SLC37A3: variants seen among roughly 807,000 people sequenced by gnomAD.
The protein encoded by SLC37A3 is sugar phosphate exchanger 3.
Under a neutral mutation model 67.1 loss-of-function variants are expected in SLC37A3, and 51 were observed. That is an observed-to-expected ratio of 0.76 (90% CI 0.61 to 0.96). The LOEUF (loss-of-function observed/expected upper bound fraction) is 0.96. SLC37A3 is among the 40% of genes least tolerant of loss of function. The pLI, the probability that SLC37A3 is intolerant of heterozygous loss-of-function variation, is 0.00. For missense variants in SLC37A3, 508 were observed against 603.0 expected (o/e 0.84, Z 1.65); for synonymous variants, 214 against 231.4 (o/e 0.92, Z 0.68).
intron 1 of SLC37A3, among the ~76,000 whole-genome samples, chr7:140,390,952 T>C (rs1049530900): frequency 6.6e-6 from 1 of 152,040 alleles, no homozygotes; most frequent in Non-Finnish European, 1.5e-5. Context: ...TCCTCCTCCT[T>C]CCCTGCACCA....
At position 140,376,605 on chromosome 7, in the gene SLC37A3, G is replaced by A. The variant is rs1798040398; in HGVS notation, c.198+3677C>T. 2.6e-5 allele frequency among the ~76,000 whole-genome samples: 4 copies of A among 152,172 alleles called. No homozygotes were observed. The South Asian group carries it at 8.3e-4, about 32-fold the overall frequency. On this transcript the variant is annotated intron_variant, in intron 3 of 14. Coordinates refer to ENST00000326232, the MANE Select transcript of SLC37A3 (RefSeq NM_207113.3). ...GTGAGAATGTTTATAACAGAATAAG[G>A]GCTATCCAGGGGGGCAGGGGAGGCT...
chr7:140,340,619 T>TC (rs1796322880), intron 13 of SLC37A3, among the ~76,000 whole-genome samples: 1 of 151,006 alleles, frequency 6.6e-6, no homozygotes, highest in African/African-American at 2.5e-5. Flanking sequence ...TGCAACTTTG[T>TC]CTTTTTTTTT....
intron 13 of SLC37A3, among the ~76,000 whole-genome samples, chr7:140,339,592 G>A (rs1440307852): frequency 6.6e-6 from 1 of 151,152 alleles, no homozygotes; most frequent in Admixed American, 6.6e-5. Context: ...AAATACCTAG[G>A]AGTGCTGGGT....
chr7:140,351,199 C>A, intron 9 of SLC37A3, 74 bp downstream of exon 9: 1 of 1,439,956 alleles, frequency 6.9e-7, no homozygotes. Flanking sequence ...CTTAAGGAAG[C>A]TTTATCTCAG....
At chr7:140,392,019 T>C (rs1286416808) in intron 1 of SLC37A3, among the ~76,000 whole-genome samples, 3 of 152,314 alleles carry the variant, frequency 2.0e-5, no homozygotes, top group East Asian at 3.9e-4. Context: ...TTCTTCTCAC[T>C]GCCTACACCA....
intron 14 of SLC37A3, among the ~76,000 whole-genome samples, chr7:140,336,995 A>G (rs960741183): frequency 6.7e-6 from 1 of 149,084 alleles, no homozygotes; most frequent in African/African-American, 2.5e-5. Flanking sequence ...GCTACTCGGG[A>G]GGCTGAGGTG....
chr7:140,388,354 G>A (rs1204423019), intron 1 of SLC37A3, among the ~76,000 whole-genome samples: 1 of 148,960 alleles, frequency 6.7e-6, no homozygotes, highest in Non-Finnish European at 1.5e-5. Flanking sequence ...AATCACTTGA[G>A]CCTGGGAGGT....
intron 6 of SLC37A3, among the ~76,000 whole-genome samples, chr7:140,358,007 C>T (rs1369587212): frequency 2.6e-5 from 4 of 151,866 alleles, no homozygotes; most frequent in African/African-American, 7.3e-5. Context: ...ACCCCGGAGG[C>T]GAAGGTTGCA....
intron 8 of SLC37A3, 171 bp downstream of exon 8, chr7:140,351,890 AG>A (rs1408789520): frequency 5.5e-6 from 4 of 733,502 alleles, no homozygotes; most frequent in Non-Finnish European, 9.7e-6. Flanking sequence ...CAGCTGTGCC[AG>A]GGGCTGGCTA....
chr7:140,380,644 A>G (rs1257772932), intron 2 of SLC37A3, among the ~76,000 whole-genome samples: 1 of 152,058 alleles, frequency 6.6e-6, no homozygotes, highest in Non-Finnish European at 1.5e-5. Flanking sequence ...TCCTGGGCTC[A>G]AGCCAGCCTC....
intron 7 of SLC37A3, among the ~76,000 whole-genome samples, chr7:140,352,567 G>A (rs1431842396): frequency 7.2e-5 from 11 of 152,138 alleles, no homozygotes; most frequent in Non-Finnish European, 1.6e-4. Context: ...AGATGAGAAG[G>A]CCCAATCCTA....
chr7:140,384,703 G>A (rs1257102214), intron 1 of SLC37A3, among the ~76,000 whole-genome samples: 3 of 152,046 alleles, frequency 2.0e-5, no homozygotes, highest in Non-Finnish European at 4.4e-5. Flanking sequence ...TGTACCACAG[G>A]GTAAGACCTT....
In SLC37A3 at chr7:140,348,779, G is replaced by C; in HGVS notation, c.883-12C>G. 3 of 1,611,804 alleles carry C rather than the reference G, an allele frequency of 1.9e-6. No homozygotes were observed. The highest frequency in any genetic ancestry group is 2.5e-6 in the Non-Finnish European group (3 of 1,178,996). On this transcript the variant is annotated splice_polypyrimidine_tract_variant and intron_variant, in intron 9 of 14. Coordinates refer to ENST00000326232, the MANE Select transcript of SLC37A3 (RefSeq NM_207113.3). The stretch of plus-strand genomic sequence containing the variant: ...TAGGCCAGTGAGTACTACAAGAAAA[G>C]CATTCAACTATCAGCGAGGGACAAA...
At chr7:140,339,922 T>C (rs113190486) in intron 13 of SLC37A3, among the ~76,000 whole-genome samples, 3,410 of 152,040 alleles carry the variant, frequency 0.022, 115 homozygotes, top group African/African-American at 0.077. Context: ...GTATTTTTAG[T>C]AGAGACGGGG....
chr7:140,380,156 G>A, intron 3 of SLC37A3, 126 bp downstream of exon 3: 2 of 524,752 alleles, frequency 3.8e-6, no homozygotes, highest in Non-Finnish European at 6.8e-6. Context: ...TGGCTCTTAT[G>A]TGATAGGAAA....
At chr7:140,343,145 G>A (rs1796422993) in intron 13 of SLC37A3, among the ~76,000 whole-genome samples, 1 of 152,178 alleles carries the variant, frequency 6.6e-6, no homozygotes, top group African/African-American at 2.4e-5. Flanking sequence ...TGGGGCAGAA[G>A]GATCTGTCTG....
At position 140,361,700 on chromosome 7, in the gene SLC37A3, C is replaced by T. The variant is rs1389857678; in HGVS notation, c.375+2708G>A. On this transcript the variant is annotated intron_variant, in intron 5 of 14. Coordinates refer to ENST00000326232, the MANE Select transcript of SLC37A3 (RefSeq NM_207113.3). ...AGTGCCTGCGATTGCAGGCGCGCGCCGCCACGCCTGACTGGTTTTCGTTTT... is the reference window on the plus strand; with the variant it reads ...AGTGCCTGCGATTGCAGGCGCGCGCTGCCACGCCTGACTGGTTTTCGTTTT... Among the ~76,000 whole-genome samples the T allele has an allele frequency of 8.6e-5, 13 of 150,514 alleles. No homozygotes were observed. The South Asian group carries it at 1.5e-3, about 17-fold the overall frequency.
chr7:140,376,141 C>T (rs2129731796), intron 3 of SLC37A3, among the ~76,000 whole-genome samples: 1 of 152,270 alleles, frequency 6.6e-6, no homozygotes, highest in Admixed American at 6.5e-5. Flanking sequence ...TTTTAAACAG[C>T]TTTTTTCTGC....
Position 140,343,412 on chromosome 7 carries a change from C to T in SLC37A3, c.1326G>A (p.Gln442=), listed in dbSNP as rs753898756. Residue 442 remains glutamine (Q), a splice_region_variant and synonymous_variant, in exon 13 of 15, where the codon CAG becomes CAA. Coordinates refer to ENST00000326232, the MANE Select transcript of SLC37A3 (RefSeq NM_207113.3). ...GSGSIGAAVG[Q]YLVSLIRDKL... ...CCCAGCCCCTCTCCTGTTCTCTCAC[C>T]TGGCCCACTGCAGCTCCAATGCTCC... is the stretch of plus-strand genomic sequence containing the variant. The T allele has an allele frequency of 1.2e-6, 2 of 1,613,424 alleles. No homozygotes were observed. Among genetic ancestry groups the T allele is most frequent in the Non-Finnish European group, 1.7e-6 (2 of 1,179,906 alleles).
Sources: allele counts gnomAD v4.1 joint callset (sites outside exome capture counted in the v4.1 genomes callset), GRCh38; gene constraint gnomAD v4.1.1; transcripts MANE v1.5; gene names NCBI Gene and HGNC (gene_info 2026-07-23, HGNC 2026-07-21).